Variants in TNR observed in about 807,000 individuals in gnomAD.
TNR encodes tenascin R.
Under a neutral mutation model 150.4 loss-of-function variants are expected in TNR, and 45 were observed. The observed-to-expected ratio is 0.30, with a 90% confidence interval of 0.24 to 0.38. The LOEUF (loss-of-function observed/expected upper bound fraction) is 0.38. TNR is among the 10% of genes least tolerant of loss of function. The pLI, the probability that TNR is intolerant of heterozygous loss-of-function variation, is 1.00. For synonymous variants in TNR, 687 were observed against 678.4 expected (o/e 1.01, Z -0.20); for missense variants, 1,544 against 1,759.1 (o/e 0.88, Z 2.19).
At chr1:175,517,360 A>C (rs1460152559) in intron 2 of TNR, among the ~76,000 whole-genome samples, 2 of 152,200 alleles carry the variant, frequency 1.3e-5, no homozygotes, top group African/African-American at 4.8e-5. Flanking sequence ...GGAAAAGTAC[A>C]CCCATGTGCA....
chr1:175,613,574 C>A (rs1663668828), intron 1 of TNR, among the ~76,000 whole-genome samples: 1 of 151,996 alleles, frequency 6.6e-6, no homozygotes, highest in Non-Finnish European at 1.5e-5. Context: ...TCTCCTCCTG[C>A]CCTCTGATTC....
chr1:175,588,393 G>A (rs1347224881), intron 1 of TNR, among the ~76,000 whole-genome samples: 1 of 152,226 alleles, frequency 6.6e-6, no homozygotes, highest in Non-Finnish European at 1.5e-5. Context: ...AGCCCATGGG[G>A]TTAAGTGAAC....
intron 1 of TNR, among the ~76,000 whole-genome samples, chr1:175,655,088 C>T (rs1175825394): frequency 6.6e-6 from 1 of 152,104 alleles, no homozygotes; most frequent in Admixed American, 6.5e-5. Flanking sequence ...TCTGTTTTGA[C>T]GCTGAGGACT....
chr1:175,525,027 A>C (rs1180785526), intron 2 of TNR, among the ~76,000 whole-genome samples: 1 of 152,120 alleles, frequency 6.6e-6, no homozygotes, highest in Non-Finnish European at 1.5e-5. Context: ...CAGTTCCTAT[A>C]ATTCCCACAT....
chr1:175,356,301 A>G lies in TNR; in HGVS notation c.3118+18T>C. Reference sequence around the variant, plus strand: ...AAAGTCCCCAGGGATACGGGTATGTAGGTGACCATGTACTCACGAGTAGAA... The same window carrying G: ...AAAGTCCCCAGGGATACGGGTATGTGGGTGACCATGTACTCACGAGTAGAA... On this transcript the variant is annotated intron_variant, in intron 16 of 22. Coordinates refer to ENST00000367674, the MANE Select transcript of TNR (RefSeq NM_003285.3). 6.2e-7 allele frequency: 1 copy of G among 1,613,718 alleles called. No individual in the cohort carries two copies. Among genetic ancestry groups the G allele is most frequent in the Non-Finnish European group, 8.5e-7 (1 of 1,179,786 alleles).
At chr1:175,395,444 C>T (rs1483821184) in intron 5 of TNR, among the ~76,000 whole-genome samples, 3 of 152,172 alleles carry the variant, frequency 2.0e-5, no homozygotes, top group African/African-American at 4.8e-5. Flanking sequence ...CTTATGTTTT[C>T]ATGGTTACTT....
At chr1:175,358,188 C>T (rs940228261) in intron 15 of TNR, among the ~76,000 whole-genome samples, 1 of 152,184 alleles carries the variant, frequency 6.6e-6, no homozygotes, top group South Asian at 2.1e-4. Flanking sequence ...TGTGCATGCT[C>T]ACAGAGGGGT....
At chr1:175,410,861 A>C (rs1205837986) in intron 2 of TNR, among the ~76,000 whole-genome samples, 1 of 152,140 alleles carries the variant, frequency 6.6e-6, no homozygotes, top group Non-Finnish European at 1.5e-5. Flanking sequence ...TGTGAGAAAT[A>C]ATCTTTTGGT....
At chr1:175,436,151 G>A (rs950434373) in intron 2 of TNR, among the ~76,000 whole-genome samples, 120 of 152,148 alleles carry the variant, frequency 7.9e-4, no homozygotes, top group African/African-American at 2.6e-3. Flanking sequence ...TCTTTGTGGC[G>A]TTCTCTGTAT....
intron 18 of TNR, 100 bp from the exon 19 acceptor site, chr1:175,337,779 C>A (rs1650320230): frequency 1.5e-6 from 2 of 1,350,196 alleles, no homozygotes; most frequent in South Asian, 1.3e-5. Flanking sequence ...CCTGGTACAT[C>A]ATCAACAGCT....
intron 1 of TNR, among the ~76,000 whole-genome samples, chr1:175,533,451 C>T (rs1161301300): frequency 1.3e-5 from 2 of 152,188 alleles, no homozygotes; most frequent in African/African-American, 4.8e-5. Flanking sequence ...AGCCTTCCTC[C>T]CCACTCACCC....
intron 1 of TNR, among the ~76,000 whole-genome samples, chr1:175,686,098 A>G (rs977543558): frequency 2.6e-5 from 4 of 152,100 alleles, no homozygotes; most frequent in African/African-American, 7.2e-5. Context: ...GAAGGAAAAA[A>G]ATCATAAGTT....
chr1:175,666,305 C>T (rs981442358), intron 1 of TNR, among the ~76,000 whole-genome samples: 2 of 152,156 alleles, frequency 1.3e-5, no homozygotes, highest in African/African-American at 4.8e-5. Context: ...TGGTGCTTTC[C>T]CTTCCTGCTT....
chr1:175,458,524 G>T (rs1656667518), intron 2 of TNR, among the ~76,000 whole-genome samples: 1 of 152,190 alleles, frequency 6.6e-6, no homozygotes, highest in South Asian at 2.1e-4. Flanking sequence ...TCACCACAGT[G>T]TACAGCTGTG....
intron 1 of TNR, among the ~76,000 whole-genome samples, chr1:175,536,770 G>T (rs548825385): frequency 3.3e-4 from 50 of 152,298 alleles, no homozygotes; most frequent in African/African-American, 1.2e-3. Context: ...AGGCACCAAA[G>T]GAAGTGGAAT....
intron 2 of TNR, among the ~76,000 whole-genome samples, chr1:175,469,776 T>C (rs1657202144): frequency 6.6e-6 from 1 of 151,886 alleles, no homozygotes; most frequent in Admixed American, 6.6e-5. Flanking sequence ...GTTTTAGACT[T>C]GGGTTTTGGG....
chr1:175,691,359 G>T (rs887342592), intron 1 of TNR, among the ~76,000 whole-genome samples: 1 of 152,156 alleles, frequency 6.6e-6, no homozygotes, highest in African/African-American at 2.4e-5. Flanking sequence ...TAACAACAAA[G>T]AACTTATTAT....
rs1286866737 is a variant in TNR at position 175,320,924 on chromosome 1, A to G, written c.*2433T>C. The G allele has an allele frequency of 6.6e-6, 1 of 152,086 alleles. No homozygotes were observed. The highest frequency in any genetic ancestry group is 1.5e-5 in the Non-Finnish European group (1 of 68,028). 9.4% of individuals were successfully genotyped at this position (152,086 alleles called of 1,614,324 possible). A position where few individuals can be genotyped will look rare whatever the true frequency, so the allele number is the denominator to read the frequency against. The stretch of plus-strand genomic sequence containing the variant: ...TTCAGATCACAGATTAGCATCATTG[A>G]CCGTCAAAACTGAAAGGGAAATTAG... On this transcript the variant is annotated 3_prime_UTR_variant, in exon 23 of 23. Transcript: ENST00000367674.
chr1:175,332,257 T>C (rs2298921), intron 20 of TNR, among the ~76,000 whole-genome samples: 115,045 of 152,158 alleles, frequency 0.76, 43,686 homozygotes, highest in African/African-American at 0.81. Flanking sequence ...GGCCTCCTTG[T>C]CTAAGTGGTG....
Sources: gnomAD v4.1 joint callset for allele counts (sites outside exome capture counted in the v4.1 genomes callset) on GRCh38, gnomAD v4.1.1 for gene constraint, MANE v1.5 for transcripts, NCBI Gene and HGNC (gene_info 2026-07-23, HGNC 2026-07-21) for gene names.